RAI14: variants seen among roughly 807,000 people sequenced by gnomAD.
RAI14 encodes the protein ankycorbin.
RAI14 carries 45 observed loss-of-function variants against 115.4 expected under a neutral mutation model. That is an observed-to-expected ratio of 0.39 (90% CI 0.31 to 0.50). The LOEUF (loss-of-function observed/expected upper bound fraction) is 0.50, where lower values mean the gene tolerates loss of function less well. RAI14 is among the 20% of genes least tolerant of loss of function. The probability of loss-of-function intolerance (pLI) is 0.85; values close to 1 mark genes in which losing one functional copy is unlikely to be tolerated. For missense variants in RAI14, 939 were observed against 1,131.2 expected (o/e 0.83, Z 2.44); for synonymous variants, 371 against 415.4 (o/e 0.89, Z 1.30).
chr5:34,752,745 G>GTATATATATATATATA (rs1373860856), intron 2 of RAI14, among the ~76,000 whole-genome samples: 7 of 105,270 alleles, frequency 6.6e-5, no homozygotes, highest in African/African-American at 2.6e-4. Context: ...GTGTGTGTGT[G>GTATATATATATATATA]TGTGTATATA....
At chr5:34,757,723 A>C in intron 3 of RAI14, 125 bp downstream of exon 3, 3 of 1,256,712 alleles carry the variant, frequency 2.4e-6, no homozygotes, top group Non-Finnish European at 3.2e-6. Context: ...GAAATATGTA[A>C]GAAGATATTT....
chr5:34,739,224 T>C (rs1340005535), intron 2 of RAI14, among the ~76,000 whole-genome samples: 7 of 152,176 alleles, frequency 4.6e-5, no homozygotes, highest in African/African-American at 1.7e-4. Flanking sequence ...TTCATTTAAT[T>C]CTCACAACAA....
chr5:34,668,692 A>G (rs6859682), intron 1 of RAI14, among the ~76,000 whole-genome samples: 56,312 of 143,020 alleles, frequency 0.39, 10,688 homozygotes, highest in East Asian at 0.54. Flanking sequence ...TTAAATTGGG[A>G]AAAAAAAACT....
At chr5:34,731,576 T>C (rs1744184671) in intron 2 of RAI14, among the ~76,000 whole-genome samples, 1 of 152,242 alleles carries the variant, frequency 6.6e-6, no homozygotes, top group Admixed American at 6.5e-5. Context: ...AAAGCCATCT[T>C]ACTTCCACAT....
intron 2 of RAI14, among the ~76,000 whole-genome samples, chr5:34,756,867 C>T (rs1269101961): frequency 6.6e-6 from 1 of 152,184 alleles, no homozygotes; most frequent in Admixed American, 6.5e-5. Flanking sequence ...GCTCAAAGCT[C>T]TTTGACGTTT....
rs867399715 is a variant in RAI14 at position 34,775,021 on chromosome 5, G to C, written c.167+17423G>C. Among the ~76,000 whole-genome samples the C allele has an allele frequency of 4.6e-5, 7 of 152,128 alleles. No homozygotes were observed. The South Asian group carries it at 1.5e-3, about 32-fold the overall frequency. ...TGCCAAGAACATACATTGGGAAAAGGACACACTCTTCAGTAAATGGTGGTG... is the reference window on the plus strand; with the variant it reads ...TGCCAAGAACATACATTGGGAAAAGCACACACTCTTCAGTAAATGGTGGTG... On this transcript the variant is annotated intron_variant, in intron 3 of 17. Transcript: ENST00000265109.
intron 7 of RAI14, among the ~76,000 whole-genome samples, chr5:34,809,608 CTT>C (rs61391015): frequency 1.7e-4 from 25 of 143,784 alleles, no homozygotes; most frequent in African/African-American, 3.5e-4. Flanking sequence ...GAGAGCTGCA[CTT>C]TTTTTTTTTT....
At chr5:34,708,301 C>T (rs1740969581) in intron 2 of RAI14, among the ~76,000 whole-genome samples, 2 of 151,508 alleles carry the variant, frequency 1.3e-5, no homozygotes, top group African/African-American at 4.9e-5. Context: ...CTCCCGCGTT[C>T]AAGCGATTCT....
At position 34,826,324 on chromosome 5, in the gene RAI14, C is replaced by T; in HGVS notation, c.2650-6C>T. On this transcript the variant is annotated splice_region_variant and splice_polypyrimidine_tract_variant and intron_variant, in intron 15 of 17. Coordinates refer to ENST00000265109, the MANE Select transcript of RAI14 (RefSeq NM_015577.3). ...GTCTGCTAATACCATTTTCCTTTGC[C>T]CCTAGATAAATGAGATGTCGAAGGA... 6.2e-7 allele frequency: 1 copy of T among 1,612,708 alleles called. No individual in the cohort carries two copies. The highest frequency in any genetic ancestry group is 1.3e-5 in the African/African-American group (1 of 74,918).
intron 2 of RAI14, among the ~76,000 whole-genome samples, chr5:34,707,806 A>G (rs1740886672): frequency 6.6e-6 from 1 of 152,208 alleles, no homozygotes; most frequent in African/African-American, 2.4e-5. Flanking sequence ...TATGATTATA[A>G]TAACCTTTCC....
intron 2 of RAI14, among the ~76,000 whole-genome samples, chr5:34,752,352 A>G (rs334908): frequency 0.58 from 87,608 of 152,006 alleles, 25,815 homozygotes; most frequent in African/African-American, 0.7. Flanking sequence ...AGCAGCAAAT[A>G]CTGAGCACCA....
At chr5:34,812,111 C>T (rs1180832636) in intron 9 of RAI14, 69 bp from the exon 10 acceptor site, 7 of 1,391,270 alleles carry the variant, frequency 5.0e-6, no homozygotes, top group Middle Eastern at 2.2e-4. Context: ...GTGTGTGTAT[C>T]CCCCCACCCA....
intron 3 of RAI14, among the ~76,000 whole-genome samples, chr5:34,788,900 T>C (rs1417628777): frequency 2.0e-5 from 3 of 152,144 alleles, no homozygotes; most frequent in Non-Finnish European, 4.4e-5. Context: ...ACTCAGGAAG[T>C]GGAAGTTGCA....
intron 2 of RAI14, among the ~76,000 whole-genome samples, chr5:34,692,478 G>A (rs1036324840): frequency 1.3e-5 from 2 of 151,994 alleles, no homozygotes; most frequent in Admixed American, 6.6e-5. Flanking sequence ...AGCTTGCAGT[G>A]AGCCGAGATC....
At chr5:34,724,138 T>C (rs2150004051) in intron 2 of RAI14, among the ~76,000 whole-genome samples, 1 of 152,302 alleles carries the variant, frequency 6.6e-6, no homozygotes, top group Non-Finnish European at 1.5e-5. Flanking sequence ...TGCCTCAGCC[T>C]CCTGAGTAGC....
At chr5:34,701,606 C>T (rs895751467) in intron 2 of RAI14, among the ~76,000 whole-genome samples, 1 of 152,308 alleles carries the variant, frequency 6.6e-6, no homozygotes, top group Non-Finnish European at 1.5e-5. Context: ...GCTGCTCCCC[C>T]GCCCGCCTTA....
chr5:34,686,989 C>T (rs781681735), intron 2 of RAI14, 34 bp downstream of exon 2: 13 of 1,612,276 alleles, frequency 8.1e-6, no homozygotes, highest in Non-Finnish European at 1.0e-5. Flanking sequence ...CTGGCTGTTC[C>T]TTCTTCTCCA....
At chr5:34,741,342 G>A (rs150834008) in intron 2 of RAI14, among the ~76,000 whole-genome samples, 129 of 152,328 alleles carry the variant, frequency 8.5e-4, no homozygotes, top group African/African-American at 3.0e-3. Context: ...ACATGGTAGA[G>A]CCAAGATTTG....
chr5:34,743,880 T>G (rs572182322), intron 2 of RAI14, among the ~76,000 whole-genome samples: 1 of 152,230 alleles, frequency 6.6e-6, no homozygotes, highest in African/African-American at 2.4e-5. Context: ...CCATGGCATG[T>G]GAATTTCTTT....
Sources: gnomAD v4.1 joint callset for allele counts (sites outside exome capture counted in the v4.1 genomes callset) on GRCh38, gnomAD v4.1.1 for gene constraint, MANE v1.5 for transcripts, NCBI Gene and HGNC (gene_info 2026-07-23, HGNC 2026-07-21) for gene names.